The following CACYBP variants were observed in gnomAD, a reference collection of about 807,000 sequenced individuals.
The protein encoded by CACYBP is calcyclin binding protein, also known as calcyclin-binding protein.
CACYBP carries 11 observed loss-of-function variants against 29.6 expected under a neutral mutation model. The ratio of observed to expected loss-of-function variants is 0.37; its 90% CI spans 0.23 to 0.61. CACYBP has a LOEUF of 0.61. Among genes scored for constraint, CACYBP ranks in the 20% least tolerant of loss-of-function variants. The pLI, the probability that CACYBP is intolerant of heterozygous loss-of-function variation, is 0.65. For missense variants in CACYBP, 163 were observed against 260.7 expected, an observed-to-expected ratio of 0.63 and a Z score of 2.58; for synonymous variants, 73 against 88.3, an observed-to-expected ratio of 0.83 and a Z score of 0.97.
intron 3 of CACYBP, 25 bp downstream of exon 3, chr1:175,006,866 G>A: frequency 8.0e-7 from 1 of 1,253,406 alleles, no homozygotes; most frequent in Non-Finnish European, 1.2e-6. Flanking sequence ...TAATGGGAAA[G>A]ACAGTGAATT....
chr1:175,000,372 C>T, intron 1 of CACYBP, 177 bp downstream of exon 1: 3 of 1,423,444 alleles, frequency 2.1e-6, no homozygotes, highest in Middle Eastern at 2.0e-4. Context: ...CGTCGGCTCC[C>T]CAGCGCTTCC....
intron 5 of CACYBP, 21 bp from the exon 6 acceptor site, chr1:175,009,902 G>T (rs367883295): frequency 3.1e-6 from 5 of 1,593,162 alleles, no homozygotes; most frequent in Non-Finnish European, 4.3e-6. Flanking sequence ...CCCCATTGTT[G>T]TATATGTTTT....
chr1:175,000,509 C>T, intron 1 of CACYBP: 2 of 1,279,024 alleles, frequency 1.6e-6, no homozygotes, highest in Non-Finnish European at 2.0e-6. Context: ...GCCCTTTCTG[C>T]CCTGGTTTCC....
rs1168500814 is a variant in CACYBP, at chr1:175,011,459, G to GAAGA, written c.*1383_*1386dup. On this transcript the variant is annotated 3_prime_UTR_variant, in exon 6 of 6. Coordinates refer to ENST00000367679, the MANE Select transcript of CACYBP (RefSeq NM_014412.3). ...TAAAAAGTAAAGCATACAAATACTAGAAGAAAATGGAGGAAAACGACATTA... is the reference window on the plus strand; with the variant it reads ...TAAAAAGTAAAGCATACAAATACTAGAAGAAAGAAAATGGAGGAAAACGACATTA... 1 of 152,036 alleles carries GAAGA rather than the reference G, an allele frequency of 6.6e-6. No individual in the cohort carries two copies. The highest frequency in any genetic ancestry group is 1.5e-5 in the Non-Finnish European group (1 of 67,996). The allele number at this position is 152,036 out of a possible 1,614,324, so 9.4% of individuals were successfully genotyped here.
chr1:175,000,193 G>C lies in CACYBP; in HGVS notation c.13G>C (p.Glu5Gln). MASEELQKDLEEVKV... is the reference protein window; with the variant it reads MASEQLQKDLEEVKV... ...TGACCCAGCCCCCATGGCTTCAGAA[G>C]AGGTAAGTGGTCCGGCCCCATATTC... is the stretch of plus-strand genomic sequence containing the variant. The change falls in exon 1 of 6, where the codon GAG becomes CAG. Residue 5 changes from glutamate (E) to glutamine (Q), a missense_variant and splice_region_variant. Glu to Gln is a conservative substitution (Grantham distance 29). Coordinates refer to ENST00000367679, the MANE Select transcript of CACYBP (RefSeq NM_014412.3). 1.2e-6 allele frequency: 2 copies of C among 1,608,120 alleles called. No individual in the cohort carries two copies. The highest frequency in any genetic ancestry group is 1.7e-6 in the Non-Finnish European group (2 of 1,177,268).
At chr1:175,008,253 C>T (rs936873765) in intron 4 of CACYBP, among the ~76,000 whole-genome samples, 1 of 152,090 alleles carries the variant, frequency 6.6e-6, no homozygotes, top group Non-Finnish European at 1.5e-5. Context: ...CAAGATGATC[C>T]CATCTTGGAG....
intron 2 of CACYBP, chr1:175,005,118 G>A (rs1026106168): frequency 5.1e-6 from 2 of 388,768 alleles, no homozygotes; most frequent in African/African-American, 2.0e-5. Flanking sequence ...TGGTGGTGGT[G>A]GTGGTGGTTT....
At chr1:175,002,404 T>C (rs1672515144) in intron 1 of CACYBP, among the ~76,000 whole-genome samples, 1 of 152,210 alleles carries the variant, frequency 6.6e-6, no homozygotes, top group Non-Finnish European at 1.5e-5. Context: ...TTAATGTTCT[T>C]GGTGTCCATT....
chr1:175,004,700 C>T lies in CACYBP; in HGVS notation c.102C>T (p.Ser34=), dbSNP rs1221673071. The change falls in exon 2 of 6, where the codon TCC becomes TCT. Residue 34 remains serine, a synonymous_variant. Coordinates refer to ENST00000367679, the MANE Select transcript of CACYBP (RefSeq NM_014412.3). Reference sequence around the variant, plus strand: ...GTGATGCCCTTACAGCTGAAAAATCCAAGATTGAGACAGAAATCAAGAACA... The same window carrying T: ...GTGATGCCCTTACAGCTGAAAAATCTAAGATTGAGACAGAAATCAAGAACA... ...RVRDALTAEK[S]KIETEIKNKM... 1.2e-6 allele frequency: 2 copies of T among 1,613,792 alleles called. No individual in the cohort carries two copies. The highest frequency in any genetic ancestry group is 1.3e-5 in the African/African-American group (1 of 75,002).
Position 175,011,106 on chromosome 1 carries a change from T to TAAAAAAAAAAAAAAAA in CACYBP, c.*1033_*1048dup, listed in dbSNP as rs535813233. ...GTAACAGATTGAGAACCTGTCTCAT[T>TAAAAAAAAAAAAAAAA]AAAAAAAAAAAAAAAAAAAAAGCCG... On this transcript the variant is annotated 3_prime_UTR_variant, in exon 6 of 6. Transcript: ENST00000367679. 13 of 85,206 alleles carry TAAAAAAAAAAAAAAAA rather than the reference T, an allele frequency of 1.5e-4. No individual in the cohort carries two copies. Among genetic ancestry groups the TAAAAAAAAAAAAAAAA allele is most frequent in the East Asian group, 8.5e-4 (2 of 2,352 alleles). 5.3% of individuals were successfully genotyped at this position (85,206 alleles called of 1,614,324 possible). A position where few individuals can be genotyped will look rare whatever the true frequency, so the allele number is the denominator to read the frequency against.
At chr1:175,003,328 A>C (rs915685072) in intron 1 of CACYBP, among the ~76,000 whole-genome samples, 1 of 152,070 alleles carries the variant, frequency 6.6e-6, no homozygotes, top group Admixed American at 6.5e-5. Context: ...CGTGTTGGTC[A>C]TGTTGGTCTC....
rs907971911 is a variant in CACYBP, at chr1:175,011,067, G to A, written c.*988G>A. On this transcript the variant is annotated 3_prime_UTR_variant, in exon 6 of 6. Coordinates refer to ENST00000367679, the MANE Select transcript of CACYBP (RefSeq NM_014412.3). ...TGCAGTGAGCTATGATGATGCCACT[G>A]TACTGCAGCTTGGGTAACAGATTGA... 1.9e-4 allele frequency: 27 copies of A among 140,238 alleles called. No homozygotes were observed. Among genetic ancestry groups the A allele is most frequent in the African/African-American group, 7.0e-4 (26 of 36,992 alleles). 8.7% of individuals were successfully genotyped at this position (140,238 alleles called of 1,614,324 possible).
chr1:175,010,086 A>G lies in CACYBP; in HGVS notation c.*7A>G. On this transcript the variant is annotated 3_prime_UTR_variant, in exon 6 of 6. Transcript: ENST00000367679. ...AGGAGACACGGAATTTTGAGACTTTAAAGTCGTTTTGGGAACTGTGATGTG... is the reference window on the plus strand; with the variant it reads ...AGGAGACACGGAATTTTGAGACTTTGAAGTCGTTTTGGGAACTGTGATGTG... 6.2e-7 allele frequency: 1 copy of G among 1,611,728 alleles called. No individual in the cohort carries two copies. Among genetic ancestry groups the G allele is most frequent in the Non-Finnish European group, 8.5e-7 (1 of 1,179,018 alleles).
upstream of CACYBP, chr1:174,999,899 G>A: frequency 1.9e-6 from 1 of 535,068 alleles, no homozygotes; most frequent in Non-Finnish European, 3.3e-6. Flanking sequence ...GCGGGGAGGG[G>A]TGGGGCTAGG....
intron 4 of CACYBP, among the ~76,000 whole-genome samples, chr1:175,007,948 A>T (rs1298618909): frequency 6.6e-6 from 1 of 152,210 alleles, no homozygotes; most frequent in Admixed American, 6.5e-5. Flanking sequence ...ATCTGTTTTT[A>T]TAATACATAA....
chr1:175,011,620 A>ATACT lies in CACYBP; in HGVS notation c.*1543_*1546dup, dbSNP rs1672759055. ...ATTGACAGGATTCCAATAATTAAGA[A>ATACT]TACTTCATACAAAAAGAAATGTAAA... On this transcript the variant is annotated 3_prime_UTR_variant, in exon 6 of 6. Coordinates refer to ENST00000367679, the MANE Select transcript of CACYBP (RefSeq NM_014412.3). 1 of 152,248 alleles carries ATACT rather than the reference A, an allele frequency of 6.6e-6. No individual in the cohort carries two copies. The allele number at this position is 152,248 out of a possible 1,614,324, so 9.4% of individuals were successfully genotyped here.
rs774737330 is a variant in CACYBP, at chr1:175,000,224, G to GC, written c.15+35dup. On this transcript the variant is annotated intron_variant, in intron 1 of 5. Transcript: ENST00000367679. Reference sequence around the variant, plus strand: ...AGTGGTCCGGCCCCATATTCCTTATGCCCCCCGGCTGGAGCTGCAGCGCCA... The same window carrying GC: ...AGTGGTCCGGCCCCATATTCCTTATGCCCCCCCGGCTGGAGCTGCAGCGCCA... 1.4e-5 allele frequency: 22 copies of GC among 1,594,100 alleles called. No individual in the cohort carries two copies. The Admixed American group carries it at 1.5e-4, about 11-fold the overall frequency.
upstream of CACYBP, chr1:174,999,879 A>G (rs987353185): frequency 6.1e-6 from 3 of 491,908 alleles, no homozygotes; most frequent in African/African-American, 4.9e-5. Context: ...GCGGAGCCAG[A>G]CTCGGCGGGG....
intron 2 of CACYBP, among the ~76,000 whole-genome samples, chr1:175,006,103 T>C (rs1324630421): frequency 1.3e-5 from 2 of 152,192 alleles, no homozygotes; most frequent in African/African-American, 4.8e-5. Context: ...ACAAATGTGA[T>C]GGTATTTTGT....
Sources: gnomAD v4.1 joint callset for allele counts (sites outside exome capture counted in the v4.1 genomes callset) on GRCh38, gnomAD v4.1.1 for gene constraint, MANE v1.5 for transcripts, NCBI Gene and HGNC (gene_info 2026-07-23, HGNC 2026-07-21) for gene names.